The following LMBR1 variants were observed in gnomAD, a reference collection of about 807,000 sequenced individuals.
LMBR1 encodes the protein limb region 1 protein homolog.
In LMBR1, 52 loss-of-function variants were observed where a neutral mutation model predicts 73.9. That is an observed-to-expected ratio of 0.70 (90% CI 0.56 to 0.89). LMBR1 has a LOEUF of 0.89. LMBR1 is among the 40% of genes least tolerant of loss of function. The pLI, the probability that LMBR1 is intolerant of heterozygous loss-of-function variation, is 0.00. For synonymous variants in LMBR1, 215 were observed against 209.4 expected (o/e 1.03, Z -0.23); for missense variants, 539 against 579.8 (o/e 0.93, Z 0.72).
At chr7:156,864,234 C>T (rs1421613569) in intron 1 of LMBR1, among the ~76,000 whole-genome samples, 1 of 152,102 alleles carries the variant, frequency 6.6e-6, no homozygotes, top group African/African-American at 2.4e-5. Context: ...TAACCAAGTG[C>T]CTCCAAAAAA....
intron 9 of LMBR1, among the ~76,000 whole-genome samples, chr7:156,749,475 C>T (rs1014403631): frequency 2.0e-5 from 3 of 152,154 alleles, no homozygotes; most frequent in Non-Finnish European, 4.4e-5. Flanking sequence ...TGGTTATAAA[C>T]AGCAAAATTC....
intron 1 of LMBR1, among the ~76,000 whole-genome samples, chr7:156,856,651 G>A (rs906444726): frequency 6.6e-6 from 1 of 151,542 alleles, no homozygotes; most frequent in Non-Finnish European, 1.5e-5. Flanking sequence ...GAATCTGAGA[G>A]GCAGAGGTCA....
chr7:156,724,969 T>C (rs896871030), intron 14 of LMBR1, among the ~76,000 whole-genome samples: 1 of 152,174 alleles, frequency 6.6e-6, no homozygotes, highest in African/African-American at 2.4e-5. Flanking sequence ...CCCAATGACA[T>C]GTTGTGGAAA....
At chr7:156,858,890 T>TA (rs922357142) in intron 1 of LMBR1, among the ~76,000 whole-genome samples, 6 of 149,136 alleles carry the variant, frequency 4.0e-5, no homozygotes, top group African/African-American at 1.2e-4. Context: ...AACCTGTGAA[T>TA]AAAAAAAAAA....
intron 15 of LMBR1, among the ~76,000 whole-genome samples, chr7:156,700,561 A>G (rs1451769951): frequency 1.3e-5 from 2 of 152,182 alleles, no homozygotes; most frequent in African/African-American, 4.8e-5. Context: ...AAATTTAAAA[A>G]AAAATCATCT....
intron 9 of LMBR1, among the ~76,000 whole-genome samples, chr7:156,736,039 G>A (rs1585457401): frequency 6.6e-6 from 1 of 152,176 alleles, no homozygotes; most frequent in African/African-American, 2.4e-5. Flanking sequence ...TCCTCATATT[G>A]TAATAGCTGG....
intron 4 of LMBR1, among the ~76,000 whole-genome samples, 169 bp from the exon 5 acceptor site, chr7:156,796,661 A>T (rs1396640078): frequency 1.3e-5 from 2 of 152,228 alleles, no homozygotes; most frequent in African/African-American, 4.8e-5. Flanking sequence ...TTTTTTTAAC[A>T]TTGTAACTTG....
chr7:156,827,754 T>G (rs1335415877), intron 3 of LMBR1, among the ~76,000 whole-genome samples: 2 of 152,120 alleles, frequency 1.3e-5, no homozygotes, highest in Non-Finnish European at 2.9e-5. Flanking sequence ...AAAACACATC[T>G]AACAGAGAAA....
intron 1 of LMBR1, among the ~76,000 whole-genome samples, chr7:156,855,984 A>T (rs966583383): frequency 6.6e-6 from 1 of 152,154 alleles, no homozygotes; most frequent in African/African-American, 2.4e-5. Flanking sequence ...TCACGAGGTC[A>T]GGAGATCAAG....
intron 3 of LMBR1, among the ~76,000 whole-genome samples, chr7:156,828,446 A>C (rs745313312): frequency 4.3e-4 from 65 of 152,210 alleles, no homozygotes; most frequent in Non-Finnish European, 7.1e-4. Flanking sequence ...CATCTTTTCT[A>C]ATTGTGGTAG....
At chr7:156,859,751 C>T (rs556768949) in intron 1 of LMBR1, among the ~76,000 whole-genome samples, 2 of 152,236 alleles carry the variant, frequency 1.3e-5, no homozygotes, top group East Asian at 1.9e-4. Flanking sequence ...ATTCACACAA[C>T]CCCAATCAAA....
At chr7:156,763,076 T>C in intron 7 of LMBR1, 32 bp downstream of exon 7, 1 of 1,102,598 alleles carries the variant, frequency 9.1e-7, no homozygotes, top group Non-Finnish European at 1.3e-6. Context: ...AACTCTACTT[T>C]TCTCTTAATA....
chr7:156,868,825 G>A (rs1209833482), intron 1 of LMBR1, among the ~76,000 whole-genome samples: 1 of 152,096 alleles, frequency 6.6e-6, no homozygotes, highest in Non-Finnish European at 1.5e-5. Context: ...ACTTAGCCAG[G>A]CATGGTAGTG....
At chr7:156,813,436 T>C (rs184058332) in intron 4 of LMBR1, among the ~76,000 whole-genome samples, 3 of 152,356 alleles carry the variant, frequency 2.0e-5, no homozygotes, top group Non-Finnish European at 1.5e-5. Flanking sequence ...CCTTGTTTAA[T>C]TCTCTCAACA....
downstream of LMBR1, among the ~76,000 whole-genome samples, chr7:156,673,260 C>A (rs1256727079): frequency 2.0e-5 from 3 of 152,164 alleles, no homozygotes; most frequent in South Asian, 2.1e-4. Context: ...GCTTTTCAGG[C>A]ATATGTGGAA....
chr7:156,778,618 C>T (rs531870820), intron 5 of LMBR1, among the ~76,000 whole-genome samples: 1 of 152,298 alleles, frequency 6.6e-6, no homozygotes, highest in Admixed American at 6.5e-5. Context: ...AGACTATAGT[C>T]AGAAATTTCA....
chr7:156,742,349 T>C (rs1819054618), intron 9 of LMBR1, among the ~76,000 whole-genome samples: 1 of 151,886 alleles, frequency 6.6e-6, no homozygotes, highest in Admixed American at 6.6e-5. Flanking sequence ...AAAAAGTTGT[T>C]TTGAAAAGTT....
At chr7:156,813,568 A>C (rs1219419374) in intron 4 of LMBR1, among the ~76,000 whole-genome samples, 1 of 152,150 alleles carries the variant, frequency 6.6e-6, no homozygotes, top group African/African-American at 2.4e-5. Flanking sequence ...CGTTCTCTTC[A>C]TTCTCTTGCC....
chr7:156,793,403 G>T (rs1179125960), intron 5 of LMBR1, among the ~76,000 whole-genome samples: 1 of 152,176 alleles, frequency 6.6e-6, no homozygotes, highest in Non-Finnish European at 1.5e-5. Context: ...AACATGTCTT[G>T]ATTAGCTTAA....
Sources: gnomAD v4.1 joint callset for allele counts (sites outside exome capture counted in the v4.1 genomes callset) on GRCh38, gnomAD v4.1.1 for gene constraint, MANE v1.5 for transcripts, NCBI Gene and HGNC (gene_info 2026-07-23, HGNC 2026-07-21) for gene names.